STAB1: variants seen among roughly 807,000 people sequenced by gnomAD.
The protein encoded by STAB1 is stabilin-1.
A neutral mutation model predicts 332.4 loss-of-function variants in STAB1; 250 were observed. The ratio of observed to expected loss-of-function variants is 0.75; its 90% CI spans 0.68 to 0.84. The LOEUF is 0.84. STAB1 is among the 40% of genes least tolerant of loss of function. The pLI, the probability that STAB1 is intolerant of heterozygous loss-of-function variation, is 0.00. For missense variants in STAB1, 3,249 were observed against 3,489.7 expected, an observed-to-expected ratio of 0.93 and a Z score of 1.74; for synonymous variants, 1,475 against 1,390.4, an observed-to-expected ratio of 1.06 and a Z score of -1.35.
Position 52,524,011 on chromosome 3 carries a change from C to T in STAB1, c.7536C>T (p.Ala2512=), listed in dbSNP as rs761143936. 4.2e-5 allele frequency: 67 copies of T among 1,612,148 alleles called. No homozygotes were observed. The South Asian group carries it at 6.8e-4, about 16-fold the overall frequency. Residue 2512 remains alanine, a synonymous_variant, in exon 67 of 69, where the codon GCC becomes GCT. Coordinates refer to ENST00000321725, the MANE Select transcript of STAB1 (RefSeq NM_015136.3). ...RGKPMGFGFS[A]FQAEDDADDD... is the part of the protein sequence containing the mutation. The stretch of plus-strand genomic sequence containing the variant: ...AGCCCATGGGCTTTGGCTTCTCTGC[C>T]TTCCAGGTAGGGCTGGGTTGGGGCT...
rs1443476377 is a variant in STAB1, at chr3:52,505,198, C to T, written c.1518+55C>T. On this transcript the variant is annotated intron_variant, in intron 13 of 68. Coordinates refer to ENST00000321725, the MANE Select transcript of STAB1 (RefSeq NM_015136.3). ...TGTGCTGCTGGGTAATCTCAGACCC[C>T]TGCAGAGAGCAGTGAGTGGGCAGGA... is the stretch of plus-strand genomic sequence containing the variant. 2.5e-6 allele frequency: 4 copies of T among 1,606,676 alleles called. No individual in the cohort carries two copies. The East Asian group carries it at 8.9e-5, about 36-fold the overall frequency.
chr3:52,508,757 G>A (rs1709071377), intron 21 of STAB1, among the ~76,000 whole-genome samples: 1 of 152,068 alleles, frequency 6.6e-6, no homozygotes, highest in South Asian at 2.1e-4. Flanking sequence ...GGGAGGCGGA[G>A]GTTGCAGTGA....
chr3:52,523,740 T>C lies in STAB1; in HGVS notation c.7379T>C (p.Leu2460Pro). The change falls in exon 66 of 69, where the codon CTG becomes CCG. Residue 2460 changes from leucine (L) to proline (P), a missense_variant. Leu to Pro is a moderately conservative substitution (Grantham distance 98, BLOSUM62 -3). Transcript: ENST00000321725. ...GIIHALASPL[L>P]APPQPQAVLA... Reference sequence around the variant, plus strand: ...ATCCATGCTCTGGCCAGCCCCCTCCTGGCACCCCCACAGCCCGTGAGTTGA... The same window carrying C: ...ATCCATGCTCTGGCCAGCCCCCTCCCGGCACCCCCACAGCCCGTGAGTTGA... 1 of 1,599,088 alleles carries C rather than the reference T, an allele frequency of 6.3e-7. No homozygotes were observed. The highest frequency in any genetic ancestry group is 8.6e-7 in the Non-Finnish European group (1 of 1,168,560).
Position 52,509,287 on chromosome 3 carries a change from G to A in STAB1, c.2313G>A (p.Ser771=), listed in dbSNP as rs776999553. 9.9e-6 allele frequency: 16 copies of A among 1,613,586 alleles called. No homozygotes were observed. Among genetic ancestry groups the A allele is most frequent in the Admixed American group, 3.3e-5 (2 of 60,014 alleles). ...DYKGIACHIC[S]NPNKHGEQCQ... is the part of the protein sequence containing the mutation. ...AGGGCATCGCCTGCCACATCTGCTC[G>A]AACCCAAACAAGCATGGAGAGCAAT... Residue 771 remains serine, a synonymous_variant, in exon 22 of 69, where the codon TCG becomes TCA. Coordinates refer to ENST00000321725, the MANE Select transcript of STAB1 (RefSeq NM_015136.3).
chr3:52,502,032 T>C lies in STAB1; in HGVS notation c.358T>C (p.Cys120Arg). 1 of 1,613,052 alleles carries C rather than the reference T, an allele frequency of 6.2e-7. No individual in the cohort carries two copies. Among genetic ancestry groups the C allele is most frequent in the Admixed American group, 1.7e-5 (1 of 60,012 alleles). ...HECPGGAETP[C>R]NGHGTCLDGM... Reference sequence around the variant, plus strand: ...ATGCCCTGGGGGCGCTGAGACCCCATGCAATGGCCACGGGACCTGCTTGGA... The same window carrying C: ...ATGCCCTGGGGGCGCTGAGACCCCACGCAATGGCCACGGGACCTGCTTGGA... Residue 120 changes from cysteine (C) to arginine (R), a missense_variant, in exon 4 of 69, where the codon TGC becomes CGC. Transcript: ENST00000321725.
chr3:52,500,959 C>G (rs560607441), intron 1 of STAB1, among the ~76,000 whole-genome samples: 3 of 152,364 alleles, frequency 2.0e-5, no homozygotes, highest in Admixed American at 6.5e-5. Context: ...CCTTCCCCAT[C>G]TGCACTGCAT....
chr3:52,522,479 G>A lies in STAB1; in HGVS notation c.6610+5G>A, dbSNP rs2079106298. On this transcript the variant is annotated splice_donor_5th_base_variant and intron_variant, in intron 60 of 68. Transcript: ENST00000321725. Reference sequence around the variant, plus strand: ...GCACTGACCTGCACTTCCAGGGTGTGTCCCCCTGCCCACTCCCAGTACCCA... The same window carrying A: ...GCACTGACCTGCACTTCCAGGGTGTATCCCCCTGCCCACTCCCAGTACCCA... The A allele has an allele frequency of 1.2e-6, 2 of 1,613,116 alleles. No homozygotes were observed. Among genetic ancestry groups the A allele is most frequent in the African/African-American group, 1.3e-5 (1 of 75,038 alleles).
chr3:52,522,807 G>A lies in STAB1; in HGVS notation c.6777G>A (p.Leu2259=). The A allele has an allele frequency of 6.2e-7, 1 of 1,613,302 alleles. No homozygotes were observed. The change falls in exon 62 of 69, where the codon CTG becomes CTA. Residue 2259 remains leucine (L), a synonymous_variant. Transcript: ENST00000321725. ...TCCACCTGTGCCTCATGGGCTGGCT[G>A]GCCAATGGCTCCACTGCCCACCCTG... ...LGFHLCLMGW[L]ANGSTAHPVV...
intron 5 of STAB1, 37 bp from the exon 6 acceptor site, chr3:52,502,595 G>C (rs372955057): frequency 1.3e-6 from 2 of 1,584,280 alleles, no homozygotes; most frequent in Non-Finnish European, 1.7e-6. Flanking sequence ...GCCTGGGAGA[G>C]GCTGGGGCCC....
chr3:52,502,830 G>A (rs1158885411), intron 6 of STAB1, 103 bp downstream of exon 6: 13 of 1,348,266 alleles, frequency 9.6e-6, no homozygotes, highest in East Asian at 5.0e-5. Flanking sequence ...CAGGACCTCC[G>A]CCTGGAGCCT....
At chr3:52,501,559 C>T (rs960239096) in intron 2 of STAB1, 79 bp from the exon 3 acceptor site, 290 of 1,368,034 alleles carry the variant, frequency 2.1e-4, no homozygotes, top group Non-Finnish European at 2.5e-4. Flanking sequence ...GTGGGAGCCC[C>T]GGAAGCCAAT....
Position 52,512,606 on chromosome 3 carries a change from C to T in STAB1, c.2990C>T (p.Ala997Val). ...CYGDIFRELE[A>V]NAHFSIFYQW... is the part of the protein sequence containing the mutation. ...TTTCCCTTCCCTTAGGAGCTGGAGG[C>T]AAATGCCCACTTCTCCATCTTCTAC... is the stretch of plus-strand genomic sequence containing the variant. The change falls in exon 28 of 69, where the codon GCA becomes GTA. Residue 997 changes from alanine (A) to valine (V), a missense_variant. By Grantham distance (64) the Ala-to-Val change is moderately conservative. Coordinates refer to ENST00000321725, the MANE Select transcript of STAB1 (RefSeq NM_015136.3). 6.2e-7 allele frequency: 1 copy of T among 1,613,880 alleles called. No individual in the cohort carries two copies. Among genetic ancestry groups the T allele is most frequent in the Non-Finnish European group, 8.5e-7 (1 of 1,180,014 alleles).
Position 52,518,586 on chromosome 3 carries a change from C to T in STAB1, c.4860C>T (p.His1620=), listed in dbSNP as rs1296992104. The change falls in exon 47 of 69, where the codon CAC becomes CAT. Residue 1620 remains histidine (H), a synonymous_variant. Transcript: ENST00000321725. ...GDGPFTIFVP[H]ADLMSNLSQD... ...GGCCTTTCACCATCTTCGTGCCGCACGCAGATCTAATGAGCAACCTGTCGC... is the reference window on the plus strand; with the variant it reads ...GGCCTTTCACCATCTTCGTGCCGCATGCAGATCTAATGAGCAACCTGTCGC... 2 of 1,603,320 alleles carry T rather than the reference C, an allele frequency of 1.2e-6. No homozygotes were observed. The highest frequency in any genetic ancestry group is 1.7e-5 in the Admixed American group (1 of 58,480).
chr3:52,512,563 G>T, intron 27 of STAB1, 33 bp from the exon 28 acceptor site: 1 of 1,613,892 alleles, frequency 6.2e-7, no homozygotes. Flanking sequence ...TTTGCCCCTG[G>T]TCCTGTGACC....
In STAB1 at chr3:52,510,373, G is replaced by A. The variant is rs1477087780; in HGVS notation, c.2653G>A (p.Gly885Ser). The A allele has an allele frequency of 6.2e-7, 1 of 1,613,950 alleles. No homozygotes were observed. The highest frequency in any genetic ancestry group is 8.5e-7 in the Non-Finnish European group (1 of 1,180,000). ...ENAECVPGSL[G>S]THHCTCHKGW... ...GGCTGAGTGTGTCCCTGGGTCCCTG[G>A]GCACCCACCACTGCACATGCCACAA... The change falls in exon 25 of 69, where the codon GGC (glycine) becomes AGC (serine). Residue 885 changes from glycine to serine, a missense_variant. Coordinates refer to ENST00000321725, the MANE Select transcript of STAB1 (RefSeq NM_015136.3).
Position 52,503,824 on chromosome 3 carries a change from C to G in STAB1, c.944C>G (p.Ala315Gly), listed in dbSNP as rs376491747. 22 of 1,613,132 alleles carry G rather than the reference C, an allele frequency of 1.4e-5. No individual in the cohort carries two copies. Among genetic ancestry groups the G allele is most frequent in the Non-Finnish European group, 1.5e-5 (18 of 1,180,036 alleles). ...GLVSINSNASAGCFAFCSPFS... is the reference protein window; with the variant it reads ...GLVSINSNASGGCFAFCSPFS... ...GTCAGCATCAACAGCAACGCTTCTG[C>G]GGGCTGCTTCGCCTTCTGCTCCCCC... The change falls in exon 9 of 69, where the codon GCG becomes GGG. Residue 315 changes from alanine to glycine, a missense_variant. By Grantham distance (60) the Ala-to-Gly change is moderately conservative. Coordinates refer to ENST00000321725, the MANE Select transcript of STAB1 (RefSeq NM_015136.3).
chr3:52,501,610 C>T (rs1021225069), intron 2 of STAB1, 28 bp from the exon 3 acceptor site: 30 of 1,540,542 alleles, frequency 1.9e-5, no homozygotes, highest in Non-Finnish European at 2.6e-5. Context: ...GAGCCTTTTC[C>T]ATCACCCTGC....
Position 52,517,083 on chromosome 3 carries a change from A to G in STAB1, c.4463A>G (p.Tyr1488Cys). 5 of 1,578,202 alleles carry G rather than the reference A, an allele frequency of 3.2e-6. No individual in the cohort carries two copies. The highest frequency in any genetic ancestry group is 4.3e-6 in the Non-Finnish European group (5 of 1,161,342). ...GQRTCTCQDGYMGDGELCQEI... is the reference protein window; with the variant it reads ...GQRTCTCQDGCMGDGELCQEI... The stretch of plus-strand genomic sequence containing the variant: ...CGGACATGCACCTGCCAGGATGGCT[A>G]CATGGGCGACGGGGAGCTGTGCCAG... The change falls in exon 42 of 69, where the codon TAC (tyrosine) becomes TGC (cysteine). Residue 1488 changes from tyrosine to cysteine, a missense_variant. Tyr to Cys is a radical substitution (Grantham distance 194). Coordinates refer to ENST00000321725, the MANE Select transcript of STAB1 (RefSeq NM_015136.3).
At chr3:52,510,948 G>A (rs989056845) in intron 25 of STAB1, among the ~76,000 whole-genome samples, 3 of 152,224 alleles carry the variant, frequency 2.0e-5, no homozygotes, top group East Asian at 1.9e-4. Flanking sequence ...TGTCTAACGC[G>A]CCAAGTGGGA....
Sources: allele counts gnomAD v4.1 joint callset (sites outside exome capture counted in the v4.1 genomes callset), GRCh38; gene constraint gnomAD v4.1.1; transcripts MANE v1.5; gene names NCBI Gene and HGNC (gene_info 2026-07-23, HGNC 2026-07-21).